MCTP1: variants seen among roughly 807,000 people sequenced by gnomAD.
The protein encoded by MCTP1 is multiple C2 and transmembrane domain containing 1, also known as multiple C2 and transmembrane domain-containing protein 1.
MCTP1 carries 69 observed loss-of-function variants against 120.6 expected under a neutral mutation model. That is an observed-to-expected ratio of 0.57 (90% CI 0.47 to 0.70). The LOEUF (loss-of-function observed/expected upper bound fraction) is 0.70. MCTP1 is among the 30% of genes least tolerant of loss of function. The pLI is 0.00. For synonymous variants in MCTP1, 529 were observed against 493.1 expected (o/e 1.07, Z -0.96); for missense variants, 1,203 against 1,248.8 (o/e 0.96, Z 0.55).
intron 2 of MCTP1, among the ~76,000 whole-genome samples, chr5:94,993,339 TCA>T (rs1185030566): frequency 1.3e-5 from 2 of 152,170 alleles, no homozygotes; most frequent in African/African-American, 4.8e-5. Flanking sequence ...CTACACGTAT[TCA>T]CAGTGGACAA....
At chr5:94,966,304 A>C (rs1028636843) in intron 2 of MCTP1, among the ~76,000 whole-genome samples, 1 of 152,218 alleles carries the variant, frequency 6.6e-6, no homozygotes, top group Non-Finnish European at 1.5e-5. Flanking sequence ...ACAGTGGCAT[A>C]TAACTACTGT....
In MCTP1 at chr5:94,714,815, G is replaced by C; in HGVS notation, c.2682C>G (p.Ile894Met). 1 of 1,612,102 alleles carries C rather than the reference G, an allele frequency of 6.2e-7. No homozygotes were observed. The highest frequency in any genetic ancestry group is 8.5e-7 in the Non-Finnish European group (1 of 1,178,384). Residue 894 changes from isoleucine to methionine, a missense_variant, in exon 20 of 23, where the codon ATC becomes ATG. Coordinates refer to ENST00000515393, the MANE Select transcript of MCTP1 (RefSeq NM_024717.7). ...CGCCAAAGGAAGCCACTTCATCTAG[G>C]ATGTTCTGGACACTGACACATACCT... The part of the protein sequence containing the change: ...IQEVCVSVQN[I>M]LDEVASFGER...
chr5:95,039,846 C>T (rs1219683579), intron 1 of MCTP1, among the ~76,000 whole-genome samples: 1 of 104,052 alleles, frequency 9.6e-6, no homozygotes, highest in Non-Finnish European at 1.8e-5. Flanking sequence ...ACAAAGTGAA[C>T]AGGAGTTTAT....
At chr5:94,799,308 G>A (rs936345921) in intron 17 of MCTP1, among the ~76,000 whole-genome samples, 176 bp from the exon 18 acceptor site, 7 of 152,062 alleles carry the variant, frequency 4.6e-5, no homozygotes, top group Admixed American at 3.3e-4. Flanking sequence ...TAACTGACCC[G>A]TGAAAAGTCA....
rs774855435 is a variant in MCTP1, at chr5:94,923,990, T to G, written c.1244A>C (p.Tyr415Ser). 1.3e-6 allele frequency: 2 copies of G among 1,523,456 alleles called. No individual in the cohort carries two copies. Among genetic ancestry groups the G allele is most frequent in the Non-Finnish European group, 1.8e-6 (2 of 1,140,704 alleles). 94.4% of individuals were successfully genotyped at this position (1,523,456 alleles called of 1,614,324 possible). A position where few individuals can be genotyped will look rare whatever the true frequency, so the allele number is the denominator to read the frequency against. The change falls in exon 7 of 23, where the codon TAT becomes TCT. Residue 415 changes from tyrosine (Y) to serine (S), a missense_variant. Around this residue, in one of 2 missense-constraint regions of MCTP1, gnomAD observed 740 missense variants for 871.1 expected, o/e 0.85. Transcript: ENST00000515393. ...ELSENEVVGS[Y>S]FSVKSLFWRT... ...CCAAAAGAGAGACTTCACAGAGAAA[T>G]AAGATCCAACCACTTCATTTTCTGA...
intron 17 of MCTP1, among the ~76,000 whole-genome samples, chr5:94,854,806 T>C (rs553139758): frequency 6.6e-6 from 1 of 152,014 alleles, no homozygotes; most frequent in African/African-American, 2.4e-5. Context: ...TTTCATAGGA[T>C]TTATTTTTTA....
chr5:94,762,140 G>A (rs115305213), intron 19 of MCTP1, among the ~76,000 whole-genome samples: 73 of 152,316 alleles, frequency 4.8e-4, no homozygotes, highest in African/African-American at 1.7e-3. Flanking sequence ...AAGTTTTGAG[G>A]AGTTTGTTAT....
intron 1 of MCTP1, among the ~76,000 whole-genome samples, chr5:95,224,506 C>T (rs1754040400): frequency 9.0e-6 from 1 of 111,376 alleles, no homozygotes; most frequent in Admixed American, 9.1e-5. Context: ...CACAGACTGT[C>T]TTTTTTTTTT....
chr5:94,988,918 C>T lies in MCTP1; in HGVS notation c.838+28449G>A, dbSNP rs535980637. Among the ~76,000 whole-genome samples the T allele has an allele frequency of 1.2e-4, 18 of 152,056 alleles. 1 individual carries two copies. The highest frequency in any genetic ancestry group is 3.4e-3 in the Middle Eastern group (1 of 294). On this transcript the variant is annotated intron_variant, in intron 2 of 22. Transcript: ENST00000515393. ...CCCCTTCTAAAACTATCAGATCTTG[C>T]GAGAACTAACTCATATCATGAGAAC...
chr5:94,912,533 T>C (rs1031912107), intron 9 of MCTP1, among the ~76,000 whole-genome samples: 11 of 150,150 alleles, frequency 7.3e-5, no homozygotes, highest in African/African-American at 2.7e-4. Context: ...GTTATTGTTT[T>C]AATCCACAGA....
At chr5:94,985,002 T>G (rs182402881) in intron 2 of MCTP1, among the ~76,000 whole-genome samples, 2 of 152,320 alleles carry the variant, frequency 1.3e-5, no homozygotes, top group East Asian at 3.9e-4. Context: ...TTTTAAGTAC[T>G]ATACAAAAAT....
chr5:95,101,622 A>G (rs1756738134), intron 1 of MCTP1, among the ~76,000 whole-genome samples: 1 of 152,148 alleles, frequency 6.6e-6, no homozygotes, highest in Non-Finnish European at 1.5e-5. Context: ...TGCCCAGGGA[A>G]AGGGGGCTGC....
At chr5:95,265,244 A>T (rs973886538) in intron 1 of MCTP1, among the ~76,000 whole-genome samples, 6 of 152,152 alleles carry the variant, frequency 3.9e-5, no homozygotes, top group African/African-American at 1.4e-4. Context: ...AACAAGCTTC[A>T]GTCCAAGAGG....
intron 1 of MCTP1, among the ~76,000 whole-genome samples, chr5:95,074,967 G>A (rs907580665): frequency 7.2e-5 from 11 of 152,186 alleles, no homozygotes; most frequent in Non-Finnish European, 1.6e-4. Context: ...GGCTCTGTCG[G>A]GAGCTGGCTG....
At chr5:94,749,733 T>C (rs1767845914) in intron 19 of MCTP1, among the ~76,000 whole-genome samples, 1 of 149,060 alleles carries the variant, frequency 6.7e-6, no homozygotes, top group Non-Finnish European at 1.5e-5. Context: ...TTTCAGAATC[T>C]ATAGTTATTG....
At chr5:94,894,867 C>CTTTTTT (rs34628738) in intron 10 of MCTP1, 32 bp from the exon 11 acceptor site, 4 of 989,844 alleles carry the variant, frequency 4.0e-6, no homozygotes, top group African/African-American at 3.5e-5. Context: ...CAGCAAGTGG[C>CTTTTTT]TTTTTTTTTT....
intron 1 of MCTP1, among the ~76,000 whole-genome samples, chr5:95,176,990 G>C (rs1482393404): frequency 2.0e-5 from 3 of 151,548 alleles, no homozygotes; most frequent in East Asian, 3.9e-4. Context: ...TCAGCCTCCC[G>C]AGTAGCTGGG....
intron 1 of MCTP1, among the ~76,000 whole-genome samples, chr5:95,223,848 T>C (rs1048659476): frequency 6.6e-6 from 1 of 152,226 alleles, no homozygotes; most frequent in Admixed American, 6.5e-5. Flanking sequence ...CTGAAGTCTT[T>C]AAGCTGTGAC....
intron 1 of MCTP1, among the ~76,000 whole-genome samples, chr5:95,119,897 G>A (rs1758079401): frequency 6.6e-6 from 1 of 151,978 alleles, no homozygotes; most frequent in African/African-American, 2.4e-5. Flanking sequence ...CAGCAGCCGG[G>A]CGCGGTGGCT....
Sources: allele counts gnomAD v4.1 joint callset (sites outside exome capture counted in the v4.1 genomes callset), GRCh38; gene constraint gnomAD v4.1.1; regional missense constraint gnomAD v4.1.1; transcripts MANE v1.5; gene names NCBI Gene and HGNC (gene_info 2026-07-23, HGNC 2026-07-21).